Variants in IKZF1 observed in about 807,000 individuals in gnomAD.
The protein encoded by IKZF1 is IKAROS family zinc finger 1, also known as DNA-binding protein Ikaros.
IKZF1 carries 10 observed loss-of-function variants against 51.7 expected under a neutral mutation model. That is an observed-to-expected ratio of 0.19 (90% CI 0.12 to 0.33). IKZF1 has a LOEUF of 0.33. Among genes scored for constraint, IKZF1 ranks in the 10% least tolerant of loss-of-function variants. The pLI, the probability that IKZF1 is intolerant of heterozygous loss-of-function variation, is 1.00. For synonymous variants in IKZF1, 280 were observed against 282.3 expected, an observed-to-expected ratio of 0.99 and a Z score of 0.08; for missense variants, 484 against 707.5, an observed-to-expected ratio of 0.68 and a Z score of 3.58.
chr7:50,367,732 C>A (rs901075789), intron 3 of IKZF1: 1 of 374,138 alleles, frequency 2.7e-6, no homozygotes, highest in African/African-American at 2.1e-5. Context: ...TGGGGCTGCA[C>A]CCTCTAAGAT....
intron 2 of IKZF1, among the ~76,000 whole-genome samples, chr7:50,320,516 A>T (rs1476409463): frequency 6.6e-6 from 1 of 152,054 alleles, no homozygotes; most frequent in Non-Finnish European, 1.5e-5. Flanking sequence ...GGTGTAGAAC[A>T]CTAGAACTTA....
At chr7:50,361,740 G>A (rs1230657280) in intron 3 of IKZF1, among the ~76,000 whole-genome samples, 1 of 152,124 alleles carries the variant, frequency 6.6e-6, no homozygotes, top group Non-Finnish European at 1.5e-5. Flanking sequence ...GCTGGGCATG[G>A]TGGTGCGCGC....
chr7:50,389,394 C>T (rs59522145), intron 6 of IKZF1, among the ~76,000 whole-genome samples: 5,693 of 152,216 alleles, frequency 0.037, 245 homozygotes, highest in African/African-American at 0.11. Context: ...TTAAATATTA[C>T]CCTGTGGTGA....
At chr7:50,354,400 A>C (rs752422847) in intron 3 of IKZF1, among the ~76,000 whole-genome samples, 48 of 152,146 alleles carry the variant, frequency 3.2e-4, no homozygotes, top group Non-Finnish European at 5.9e-4. Context: ...GTGTGGACAG[A>C]GCCCGTTCCA....
At chr7:50,377,876 T>G (rs911868334) in intron 4 of IKZF1, among the ~76,000 whole-genome samples, 3 of 152,118 alleles carry the variant, frequency 2.0e-5, no homozygotes, top group Admixed American at 6.5e-5. Context: ...GAGCTGGCAT[T>G]GTTAGGTCAT....
Position 50,327,664 on chromosome 7 carries a change from A to G in IKZF1, c.67A>G (p.Thr23Ala). 1 of 1,612,292 alleles carries G rather than the reference A, an allele frequency of 6.2e-7. No individual in the cohort carries two copies. Among genetic ancestry groups the G allele is most frequent in the African/African-American group, 1.3e-5 (1 of 74,784 alleles). Residue 23 changes from threonine to alanine, a missense_variant, in exon 3 of 8, where the codon ACT becomes GCT. By Grantham distance (58) the Thr-to-Ala change is moderately conservative (BLOSUM62 0). Around this residue, in one of 6 missense-constraint regions of IKZF1, gnomAD observed 118 missense variants for 138.4 expected, o/e 0.85. Transcript: ENST00000331340. ...SGKESPPVSD[T>A]PDEGDEPMPI... Reference sequence around the variant, plus strand: ...GAAGGAAAGCCCCCCTGTAAGCGATACTCCAGATGAGGGCGATGAGCCCAT... The same window carrying G: ...GAAGGAAAGCCCCCCTGTAAGCGATGCTCCAGATGAGGGCGATGAGCCCAT...
chr7:50,392,562 C>T (rs111930280), intron 7 of IKZF1, among the ~76,000 whole-genome samples: 15 of 152,210 alleles, frequency 9.9e-5, no homozygotes, highest in African/African-American at 2.9e-4. Context: ...ACAGAGCCAC[C>T]GCCACTCACC....
chr7:50,303,938 C>T (rs1215662989), upstream of IKZF1: 9 of 144,592 alleles, frequency 6.2e-5, no homozygotes, highest in Admixed American at 2.7e-4. The surrounding 1 kb of genome is among the most constrained non-coding windows in gnomAD (Gnocchi z 4.7). Context: ...CTGCCCGGCC[C>T]GCGGACACAG....
intron 3 of IKZF1, among the ~76,000 whole-genome samples, chr7:50,346,939 G>C (rs570339363): frequency 6.6e-6 from 1 of 152,108 alleles, no homozygotes; most frequent in Non-Finnish European, 1.5e-5. Flanking sequence ...AATTGTGTTC[G>C]ATCTTTGCAG....
intron 4 of IKZF1, among the ~76,000 whole-genome samples, chr7:50,380,615 A>T (rs1194563837): frequency 6.6e-6 from 1 of 152,222 alleles, no homozygotes; most frequent in Non-Finnish European, 1.5e-5. Flanking sequence ...CATTTTTGTG[A>T]CATGAGCTTT....
intron 3 of IKZF1, among the ~76,000 whole-genome samples, chr7:50,354,359 G>A (rs1357456958): frequency 1.3e-5 from 2 of 152,208 alleles, no homozygotes; most frequent in Non-Finnish European, 2.9e-5. Context: ...CCTGGCGGAG[G>A]TGAGCATCAT....
intron 1 of IKZF1, among the ~76,000 whole-genome samples, chr7:50,309,981 T>C (rs1367370462): frequency 6.6e-6 from 1 of 152,192 alleles, no homozygotes; most frequent in African/African-American, 2.4e-5. Context: ...AAAAGTGACC[T>C]TTTCCTCCTC....
chr7:50,370,849 T>C (rs369483436), intron 3 of IKZF1, among the ~76,000 whole-genome samples: 2 of 151,654 alleles, frequency 1.3e-5, no homozygotes, highest in African/African-American at 4.8e-5. Flanking sequence ...GGGTGGGGGG[T>C]TACAAAATAT....
chr7:50,393,279 A>G (rs552831489), intron 7 of IKZF1, among the ~76,000 whole-genome samples: 1 of 152,122 alleles, frequency 6.6e-6, no homozygotes, highest in Non-Finnish European at 1.5e-5. Context: ...AGGTTCTAGG[A>G]AAAGATGGGG....
At chr7:50,341,499 C>T (rs1347780428) in intron 3 of IKZF1, among the ~76,000 whole-genome samples, 1 of 152,098 alleles carries the variant, frequency 6.6e-6, no homozygotes, top group African/African-American at 2.4e-5. Flanking sequence ...AGCTTTATGC[C>T]TTATGAGACG....
Position 50,400,769 on chromosome 7 carries a change from T to C in IKZF1, c.*142T>C, listed in dbSNP as rs879078567. 8.9e-6 allele frequency: 10 copies of C among 1,123,244 alleles called. No individual in the cohort carries two copies. The South Asian group carries it at 1.2e-4, about 14-fold the overall frequency. The allele number at this position is 1,123,244 out of a possible 1,614,324, so 69.6% of individuals were successfully genotyped here. A position where few individuals can be genotyped will look rare whatever the true frequency, so the allele number is the denominator to read the frequency against. On this transcript the variant is annotated 3_prime_UTR_variant, in exon 8 of 8. Transcript: ENST00000331340. The surrounding 1 kb of genome is among the most constrained non-coding windows in gnomAD (Gnocchi z 5.4). ...GGATTTGTAACTGTTTTTTGTTTTT[T>C]GTTTGAGTTGGTTGATTGGGGTTTG...
At chr7:50,379,593 T>G (rs1811274809) in intron 4 of IKZF1, among the ~76,000 whole-genome samples, 1 of 152,096 alleles carries the variant, frequency 6.6e-6, no homozygotes, top group African/African-American at 2.4e-5. Flanking sequence ...AGGGTGCAAA[T>G]ACACCACATT....
intron 6 of IKZF1, among the ~76,000 whole-genome samples, chr7:50,389,759 G>A (rs1450735565): frequency 6.6e-6 from 1 of 152,174 alleles, no homozygotes; most frequent in African/African-American, 2.4e-5. Flanking sequence ...TTCCTGAACT[G>A]TGCTTAGGGC....
rs1312401425 is a variant in IKZF1 at position 50,358,182 on chromosome 7, A to G, written c.161-18351A>G. Among the ~76,000 whole-genome samples the G allele has an allele frequency of 2.6e-5, 4 of 152,240 alleles. No individual in the cohort carries two copies. In the East Asian group the frequency reaches 7.7e-4, roughly 29 times the overall value. Reference sequence around the variant, plus strand: ...TTTCCTGGTAAATGGTTGTTGAATCATAAAACTAGAAAGATGGGAAAGAAA... The same window carrying G: ...TTTCCTGGTAAATGGTTGTTGAATCGTAAAACTAGAAAGATGGGAAAGAAA... On this transcript the variant is annotated intron_variant, in intron 3 of 7. Transcript: ENST00000331340.
Sources: gnomAD v4.1 joint callset for allele counts (sites outside exome capture counted in the v4.1 genomes callset) on GRCh38, gnomAD v4.1.1 for gene constraint, gnomAD v4.1.1 regional missense constraint, Gnocchi (gnomAD v3.1) non-coding constraint, MANE v1.5 for transcripts, NCBI Gene and HGNC (gene_info 2026-07-23, HGNC 2026-07-21) for gene names.